SLC35F4: variants seen among roughly 807,000 people sequenced by gnomAD.
SLC35F4 encodes chromosome 14 open reading frame 36.
A neutral mutation model predicts 44.2 loss-of-function variants in SLC35F4; 24 were observed. The ratio of observed to expected loss-of-function variants is 0.54; its 90% confidence interval spans 0.39 to 0.76. SLC35F4 has a LOEUF of 0.76. Among genes scored for constraint, SLC35F4 ranks in the 30% least tolerant of loss-of-function variants. The probability of loss-of-function intolerance (pLI) is 0.00; values close to 1 mark genes in which losing one functional copy is unlikely to be tolerated. For missense variants in SLC35F4, 562 were observed against 586.1 expected (o/e 0.96, Z 0.42); for synonymous variants, 238 against 223.6 (o/e 1.06, Z -0.57).
At chr14:57,689,101 T>C (rs2075151430) in intron 1 of SLC35F4, among the ~76,000 whole-genome samples, 1 of 152,188 alleles carries the variant, frequency 6.6e-6, no homozygotes, top group Admixed American at 6.5e-5. Flanking sequence ...CTTTCTCCAC[T>C]GAAATATCCT....
At chr14:57,842,623 C>T (rs536162495) in intron 1 of SLC35F4, among the ~76,000 whole-genome samples, 7 of 152,266 alleles carry the variant, frequency 4.6e-5, no homozygotes, top group African/African-American at 1.7e-4. Flanking sequence ...ACACAACCAC[C>T]TCTCTCTCCA....
intron 1 of SLC35F4, among the ~76,000 whole-genome samples, chr14:57,638,472 T>G (rs1387259460): frequency 6.6e-6 from 1 of 152,130 alleles, no homozygotes; most frequent in African/African-American, 2.4e-5. Context: ...TTGTAAGCTG[T>G]TGAATACATA....
intron 1 of SLC35F4, among the ~76,000 whole-genome samples, chr14:57,728,025 T>C (rs2076247072): frequency 6.6e-6 from 1 of 152,206 alleles, no homozygotes; most frequent in Non-Finnish European, 1.5e-5. Flanking sequence ...ATCTCTCTCT[T>C]CAGCTCTAAT....
chr14:57,825,350 G>C (rs1411521113), intron 1 of SLC35F4, among the ~76,000 whole-genome samples: 5 of 152,148 alleles, frequency 3.3e-5, no homozygotes, highest in Admixed American at 2.0e-4. Context: ...AGTAAATGAT[G>C]AATGAAGATA....
At chr14:57,729,426 G>T (rs926073684) in intron 1 of SLC35F4, among the ~76,000 whole-genome samples, 1 of 152,174 alleles carries the variant, frequency 6.6e-6, no homozygotes, top group Non-Finnish European at 1.5e-5. Flanking sequence ...AGCTATTCAG[G>T]AACCAAGGGC....
chr14:57,601,061 T>C (rs2070797971), intron 1 of SLC35F4, among the ~76,000 whole-genome samples: 1 of 152,156 alleles, frequency 6.6e-6, no homozygotes, highest in South Asian at 2.1e-4. Flanking sequence ...TATTACTCAC[T>C]CCTTATAGTT....
At chr14:57,643,677 T>A (rs1235125462) in intron 1 of SLC35F4, among the ~76,000 whole-genome samples, 1 of 152,186 alleles carries the variant, frequency 6.6e-6, no homozygotes, top group Non-Finnish European at 1.5e-5. Context: ...GCAGGTTTGT[T>A]ACTTATGTAT....
chr14:57,667,019 G>A (rs1201577839), intron 1 of SLC35F4, among the ~76,000 whole-genome samples: 1 of 151,296 alleles, frequency 6.6e-6, no homozygotes, highest in East Asian at 1.9e-4. Context: ...GGAAGCGTGG[G>A]CAAAGGCATC....
At chr14:57,621,132 G>T (rs979812031) in intron 1 of SLC35F4, among the ~76,000 whole-genome samples, 2 of 151,790 alleles carry the variant, frequency 1.3e-5, no homozygotes, top group African/African-American at 4.8e-5. Context: ...ACCTCTTCAA[G>T]AAGAACTACA....
intron 1 of SLC35F4, among the ~76,000 whole-genome samples, chr14:57,854,637 C>T (rs1566907022): frequency 6.6e-6 from 1 of 152,188 alleles, no homozygotes; most frequent in African/African-American, 2.4e-5. Context: ...ACCTCTCTCC[C>T]AACTTCACCC....
intron 1 of SLC35F4, among the ~76,000 whole-genome samples, chr14:57,742,351 T>C (rs950789863): frequency 2.0e-5 from 3 of 152,066 alleles, no homozygotes; most frequent in African/African-American, 2.4e-5. Flanking sequence ...AAGACAAACA[T>C]AGGCTCAAAA....
intron 1 of SLC35F4, among the ~76,000 whole-genome samples, chr14:57,637,207 C>T (rs188928181): frequency 6.6e-6 from 1 of 152,228 alleles, no homozygotes; most frequent in East Asian, 1.9e-4. Context: ...GACTCTGAAA[C>T]AAGTCACCAA....
At chr14:57,800,959 AG>A (rs2078178488) in intron 1 of SLC35F4, among the ~76,000 whole-genome samples, 1 of 152,250 alleles carries the variant, frequency 6.6e-6, no homozygotes, top group East Asian at 1.9e-4. Context: ...GATATCATCC[AG>A]AAGAACTTCC....
At chr14:57,911,253 T>C (rs1263190832) in intron 1 of SLC35F4, among the ~76,000 whole-genome samples, 1 of 152,032 alleles carries the variant, frequency 6.6e-6, no homozygotes, top group East Asian at 1.9e-4. Context: ...TTTTTTTTCC[T>C]TCCTAATCTA....
At chr14:57,594,528 C>G (rs939928065) in intron 1 of SLC35F4, among the ~76,000 whole-genome samples, 1 of 152,086 alleles carries the variant, frequency 6.6e-6, no homozygotes, top group Non-Finnish European at 1.5e-5. Context: ...AAGGTCTGTG[C>G]CTATAAGATA....
intron 1 of SLC35F4, among the ~76,000 whole-genome samples, chr14:57,937,651 A>AAAAAAGAAAAG (rs1491274981): frequency 3.0e-5 from 4 of 133,566 alleles, no homozygotes; most frequent in Admixed American, 2.2e-4. Context: ...AAAAGAAAAG[A>AAAAAAGAAAAG]AAAAAGAAAA....
At chr14:57,814,145 T>C (rs1215508474) in intron 1 of SLC35F4, among the ~76,000 whole-genome samples, 2 of 152,240 alleles carry the variant, frequency 1.3e-5, no homozygotes, top group Non-Finnish European at 2.9e-5. Context: ...TCTCTTGCAT[T>C]TGCTTGCATT....
In SLC35F4 at chr14:57,566,493, T is replaced by G; in HGVS notation, c.1198A>C (p.Ser400Arg). ...PILISIGTVL[S>R]VPGNAAVDLL... ...CCTGTACCTGCATTTCCAGGAACGC[T>G]GAGCACTGTCCCAATGGAGATTAGG... Residue 400 changes from serine to arginine, a missense_variant, in exon 7 of 8, where the codon AGC becomes CGC. Physicochemically the swap from Ser to Arg is moderately radical, Grantham distance 110. Coordinates refer to ENST00000556826, the MANE Select transcript of SLC35F4 (RefSeq NM_001306087.2). 1 of 1,597,324 alleles carries G rather than the reference T, an allele frequency of 6.3e-7. No individual in the cohort carries two copies. The highest frequency in any genetic ancestry group is 8.5e-7 in the Non-Finnish European group (1 of 1,171,980).
intron 1 of SLC35F4, among the ~76,000 whole-genome samples, chr14:57,801,676 C>T (rs960695359): frequency 5.3e-5 from 8 of 152,026 alleles, no homozygotes; most frequent in East Asian, 1.9e-4. Flanking sequence ...AAGCAGGGGT[C>T]GCAATCCTAG....
Sources: allele counts gnomAD v4.1 joint callset (sites outside exome capture counted in the v4.1 genomes callset), GRCh38; gene constraint gnomAD v4.1.1; transcripts MANE v1.5; gene names NCBI Gene and HGNC (gene_info 2026-07-23, HGNC 2026-07-21).